The following TMEM132D variants were observed in gnomAD, a reference collection of about 807,000 sequenced individuals.
TMEM132D encodes transmembrane protein 132D.
TMEM132D carries 21 observed loss-of-function variants against 62.3 expected under a neutral mutation model. The observed-to-expected ratio is 0.34, with a 90% CI of 0.24 to 0.49. The LOEUF is 0.49. Among genes scored for constraint, TMEM132D ranks in the 20% least tolerant of loss-of-function variants. The pLI is 0.99. For missense variants in TMEM132D, 1,346 were observed against 1,402.8 expected (o/e 0.96, Z 0.65); for synonymous variants, 621 against 575.6 (o/e 1.08, Z -1.13).
intron 5 of TMEM132D, among the ~76,000 whole-genome samples, chr12:129,177,319 C>T (rs370125597): frequency 6.6e-4 from 101 of 152,104 alleles, no homozygotes; most frequent in African/African-American, 2.1e-3. Flanking sequence ...AAAAACCCAG[C>T]TCCAATGAAG....
chr12:129,764,105 T>C (rs1870472342), intron 1 of TMEM132D, among the ~76,000 whole-genome samples: 1 of 152,202 alleles, frequency 6.6e-6, no homozygotes, highest in Admixed American at 6.5e-5. Flanking sequence ...TTTGCTTTTC[T>C]CAAAAGCTTG....
intron 2 of TMEM132D, among the ~76,000 whole-genome samples, chr12:129,535,665 T>A (rs1250266742): frequency 1.3e-5 from 2 of 152,176 alleles, no homozygotes; most frequent in African/African-American, 4.8e-5. Flanking sequence ...CTAATACAAA[T>A]GTGTGCTATA....
intron 2 of TMEM132D, among the ~76,000 whole-genome samples, chr12:129,572,275 C>T (rs772510723): frequency 2.6e-5 from 4 of 152,192 alleles, no homozygotes; most frequent in Admixed American, 6.5e-5. Flanking sequence ...GGAATAAGGT[C>T]GTGCTGCCTT....
At chr12:129,765,196 C>G (rs562161401) in intron 1 of TMEM132D, among the ~76,000 whole-genome samples, 1 of 152,320 alleles carries the variant, frequency 6.6e-6, no homozygotes, top group Admixed American at 6.5e-5. Flanking sequence ...CTTCAGTTAT[C>G]TGATTCTGTG....
intron 3 of TMEM132D, among the ~76,000 whole-genome samples, chr12:129,362,579 A>T (rs1318892848): frequency 3.3e-5 from 5 of 151,460 alleles, no homozygotes; most frequent in Middle Eastern, 3.4e-3. Context: ...ATTTTTATAT[A>T]TTTCTTTTTT....
At chr12:129,685,691 C>A (rs1449768861) in intron 2 of TMEM132D, among the ~76,000 whole-genome samples, 3 of 152,168 alleles carry the variant, frequency 2.0e-5, no homozygotes, top group Admixed American at 1.3e-4. Flanking sequence ...AGAAGAAGAC[C>A]ACCAACAGCT....
intron 1 of TMEM132D, among the ~76,000 whole-genome samples, chr12:129,704,052 C>A (rs1881447080): frequency 6.6e-6 from 1 of 152,090 alleles, no homozygotes; most frequent in Admixed American, 6.5e-5. Flanking sequence ...TTAGGGCAGC[C>A]AGATAAAACA....
intron 4 of TMEM132D, among the ~76,000 whole-genome samples, chr12:129,289,095 T>A (rs1191771212): frequency 6.6e-6 from 1 of 151,550 alleles, no homozygotes; most frequent in East Asian, 1.9e-4. Flanking sequence ...GTGCCAGGGA[T>A]GGGGGTATCG....
At chr12:129,405,851 G>A (rs562664075) in intron 3 of TMEM132D, among the ~76,000 whole-genome samples, 14 of 152,030 alleles carry the variant, frequency 9.2e-5, no homozygotes, top group Middle Eastern at 3.4e-3. Flanking sequence ...AAAAACTGGG[G>A]GGCAAGATTT....
intron 4 of TMEM132D, among the ~76,000 whole-genome samples, chr12:129,223,818 C>T (rs1481289532): frequency 1.3e-5 from 2 of 152,154 alleles, no homozygotes; most frequent in East Asian, 1.9e-4. Context: ...ATCTGTGCTT[C>T]GTACAAAGGT....
At chr12:129,673,252 A>T (rs77336810) in intron 2 of TMEM132D, among the ~76,000 whole-genome samples, 2,607 of 150,164 alleles carry the variant, frequency 0.017, 86 homozygotes, top group African/African-American at 0.06. Flanking sequence ...GGAATCATAC[A>T]ACATGTGGTC....
rs144377413 is a variant in TMEM132D at position 129,541,519 on chromosome 12, G to A, written c.969-10314C>T. 1.9e-3 allele frequency among the ~76,000 whole-genome samples: 290 copies of A among 152,280 alleles called. 2 individuals are homozygous for A. Among genetic ancestry groups the A allele is most frequent in the African/African-American group, 6.7e-3 (280 of 41,554 alleles). ...CTCCCAGAAATGGATGGCTAAATTG[G>A]GAGGGGATGGCGAGAGAGGGTAGAG... On this transcript the variant is annotated intron_variant, in intron 2 of 8. Transcript: ENST00000422113.
intron 3 of TMEM132D, among the ~76,000 whole-genome samples, chr12:129,397,246 T>G (rs1871456968): frequency 6.6e-6 from 1 of 152,210 alleles, no homozygotes; most frequent in African/African-American, 2.4e-5. Context: ...TGGTCTTTTG[T>G]AAATTCTTCT....
At chr12:129,777,487 C>A (rs1025814722) in intron 1 of TMEM132D, among the ~76,000 whole-genome samples, 2 of 152,214 alleles carry the variant, frequency 1.3e-5, no homozygotes, top group African/African-American at 4.8e-5. Context: ...AACGGCCACC[C>A]AGCCTACTTC....
In TMEM132D at chr12:129,087,533, G is replaced by A. The variant is rs533628069; in HGVS notation, c.1444-2831C>T. Among the ~76,000 whole-genome samples, 13 of 151,488 alleles carry A rather than the reference G, an allele frequency of 8.6e-5. No homozygotes were observed. In the East Asian group the frequency reaches 9.7e-4, roughly 11 times the overall value. ...AGGCAGGGAGAGATTTGACTGCAGC[G>A]GGAGAAGAAGGTCCTGTGACCACAG... On this transcript the variant is annotated intron_variant, in intron 5 of 8. Coordinates refer to ENST00000422113, the MANE Select transcript of TMEM132D (RefSeq NM_133448.3).
At chr12:129,505,246 G>GTT (rs57697547) in intron 3 of TMEM132D, among the ~76,000 whole-genome samples, 1,571 of 144,454 alleles carry the variant, frequency 0.011, 22 homozygotes, top group African/African-American at 0.037. Context: ...CCAGGGTATA[G>GTT]TTTTTTTTTT....
intron 2 of TMEM132D, among the ~76,000 whole-genome samples, chr12:129,592,624 C>T (rs958557241): frequency 2.0e-5 from 3 of 152,160 alleles, no homozygotes; most frequent in African/African-American, 7.2e-5. Context: ...AGTACATGTG[C>T]CCAATAAAAT....
chr12:129,620,065 T>C (rs1315912086), intron 2 of TMEM132D, among the ~76,000 whole-genome samples: 1 of 152,156 alleles, frequency 6.6e-6, no homozygotes, highest in African/African-American at 2.4e-5. Context: ...ATCCTCCAAG[T>C]GATCCACGGG....
intron 4 of TMEM132D, among the ~76,000 whole-genome samples, chr12:129,331,099 C>G (rs1341675915): frequency 2.0e-5 from 3 of 152,110 alleles, no homozygotes; most frequent in Non-Finnish European, 4.4e-5. Flanking sequence ...CAAGGAAGAC[C>G]CTGTGGTGGA....
Sources: allele counts gnomAD v4.1 joint callset (sites outside exome capture counted in the v4.1 genomes callset), GRCh38; gene constraint gnomAD v4.1.1; transcripts MANE v1.5; gene names NCBI Gene and HGNC (gene_info 2026-07-23, HGNC 2026-07-21).